The following SSBP3 variants were observed in gnomAD, a reference collection of about 807,000 sequenced individuals.
SSBP3 encodes the protein single stranded DNA binding protein 3.
A neutral mutation model predicts 69.6 loss-of-function variants in SSBP3; 5 were observed. The ratio of observed to expected loss-of-function variants is 0.07; its 90% CI spans 0.04 to 0.15. The LOEUF (loss-of-function observed/expected upper bound fraction) is 0.15. Among genes scored for constraint, SSBP3 ranks in the 10% least tolerant of loss-of-function variants. The pLI, the probability that SSBP3 is intolerant of heterozygous loss-of-function variation, is 1.00. For synonymous variants in SSBP3, 196 were observed against 193.4 expected, an observed-to-expected ratio of 1.01 and a Z score of -0.11; for missense variants, 312 against 534.0, an observed-to-expected ratio of 0.58 and a Z score of 4.10.
chr1:54,295,449 T>G (rs907648649), intron 4 of SSBP3, among the ~76,000 whole-genome samples: 12 of 152,296 alleles, frequency 7.9e-5, no homozygotes, highest in Admixed American at 5.2e-4. Context: ...GTTACCAGTT[T>G]CCACCCGTGT....
intron 4 of SSBP3, among the ~76,000 whole-genome samples, chr1:54,282,099 T>C (rs1466406800): frequency 6.7e-6 from 1 of 149,880 alleles, no homozygotes; most frequent in East Asian, 1.9e-4. Flanking sequence ...ATGTCCACCA[T>C]TCAGGGAGGT....
intron 5 of SSBP3, among the ~76,000 whole-genome samples, chr1:54,262,703 T>C (rs1394684091): frequency 6.6e-6 from 1 of 152,224 alleles, no homozygotes; most frequent in Non-Finnish European, 1.5e-5. Flanking sequence ...GGCCACAGCA[T>C]GTAGGCCTGG....
chr1:54,383,851 A>C (rs543277253), intron 4 of SSBP3, among the ~76,000 whole-genome samples: 1 of 152,314 alleles, frequency 6.6e-6, no homozygotes, highest in Non-Finnish European at 1.5e-5. Flanking sequence ...TCACGCCTGT[A>C]ATCCCAGCAC....
At chr1:54,391,368 C>A (rs1293880020) in intron 4 of SSBP3, among the ~76,000 whole-genome samples, 3 of 152,254 alleles carry the variant, frequency 2.0e-5, no homozygotes, top group Non-Finnish European at 4.4e-5. Flanking sequence ...AAGTCCAAAT[C>A]CCATGTACAG....
rs752535817 is a variant in SSBP3, at chr1:54,250,420, G to A, written c.651+1196C>T. 1.5e-4 allele frequency among the ~76,000 whole-genome samples: 23 copies of A among 150,866 alleles called. 1 individual carries two copies. Among genetic ancestry groups the A allele is most frequent in the Non-Finnish European group, 3.1e-4 (21 of 67,652 alleles). On this transcript the variant is annotated intron_variant, in intron 9 of 17. Transcript: ENST00000610401. Reference sequence around the variant, plus strand: ...GCAGAGGGCTGTGGTTCTGTGGGGCGGATTCTGGGATGGAGCAGAGGGCTG... The same window carrying A: ...GCAGAGGGCTGTGGTTCTGTGGGGCAGATTCTGGGATGGAGCAGAGGGCTG...
chr1:54,351,095 G>C (rs1290327198), intron 4 of SSBP3, among the ~76,000 whole-genome samples: 1 of 152,058 alleles, frequency 6.6e-6, no homozygotes, highest in East Asian at 1.9e-4. Flanking sequence ...CCAAAGTGCT[G>C]GCATAACAAG....
At chr1:54,345,813 C>T (rs1646679660) in intron 4 of SSBP3, among the ~76,000 whole-genome samples, 1 of 151,958 alleles carries the variant, frequency 6.6e-6, no homozygotes, top group African/African-American at 2.4e-5. Flanking sequence ...TGAGACCAGC[C>T]TGGGCAACAC....
At chr1:54,316,967 G>A (rs990835731) in intron 4 of SSBP3, among the ~76,000 whole-genome samples, 1 of 152,014 alleles carries the variant, frequency 6.6e-6, no homozygotes, top group South Asian at 2.1e-4. Context: ...CATTCATGAC[G>A]ATGGAGCCCT....
At chr1:54,327,929 C>T (rs999582398) in intron 4 of SSBP3, among the ~76,000 whole-genome samples, 1 of 152,186 alleles carries the variant, frequency 6.6e-6, no homozygotes, top group Non-Finnish European at 1.5e-5. Context: ...TACATGCAAA[C>T]GACTTCCATA....
At chr1:54,239,870 T>C (rs1442692184) in intron 13 of SSBP3, among the ~76,000 whole-genome samples, 2 of 152,030 alleles carry the variant, frequency 1.3e-5, no homozygotes, top group Non-Finnish European at 2.9e-5. Context: ...TCTCCCCAGT[T>C]AGCCAAAAAA....
Position 54,401,843 on chromosome 1 carries a change from T to G in SSBP3, c.276+18A>C. The G allele has an allele frequency of 6.2e-7, 1 of 1,605,390 alleles. No homozygotes were observed. Among genetic ancestry groups the G allele is most frequent in the Non-Finnish European group, 8.5e-7 (1 of 1,172,482 alleles). On this transcript the variant is annotated intron_variant, in intron 4 of 17. Transcript: ENST00000610401. ...CCAACCCTATAATTATTGCTAGGATTAAAAATATGTTACTCACATAATCAT... is the reference window on the plus strand; with the variant it reads ...CCAACCCTATAATTATTGCTAGGATGAAAAATATGTTACTCACATAATCAT...
At chr1:54,355,263 G>A (rs1385077920) in intron 4 of SSBP3, among the ~76,000 whole-genome samples, 8 of 152,240 alleles carry the variant, frequency 5.3e-5, no homozygotes, top group Non-Finnish European at 1.0e-4. Context: ...CAACTAAGCC[G>A]AATTTCTGGA....
intron 5 of SSBP3, among the ~76,000 whole-genome samples, chr1:54,265,548 G>A (rs1027386263): frequency 5.3e-5 from 8 of 152,202 alleles, no homozygotes; most frequent in Non-Finnish European, 1.0e-4. Flanking sequence ...TGGGGCTCCT[G>A]GCTACCCAGC....
At chr1:54,227,308 G>A in intron 17 of SSBP3, 148 bp from the exon 18 acceptor site, 2 of 680,930 alleles carry the variant, frequency 2.9e-6, no homozygotes, top group Non-Finnish European at 5.4e-6. Flanking sequence ...ATGGTGGCAT[G>A]GAGTGGGCAG....
intron 5 of SSBP3, among the ~76,000 whole-genome samples, chr1:54,260,830 G>C (rs1244506441): frequency 2.0e-5 from 3 of 152,220 alleles, no homozygotes; most frequent in South Asian, 2.1e-4. Context: ...GGGTTGGAAT[G>C]ATGAGGACCA....
At chr1:54,300,360 G>A (rs1343300887) in intron 4 of SSBP3, among the ~76,000 whole-genome samples, 33 of 152,184 alleles carry the variant, frequency 2.2e-4, no homozygotes, top group Admixed American at 2.1e-3. Context: ...GGGCCTGGAA[G>A]CCCAGAGAGT....
intron 4 of SSBP3, among the ~76,000 whole-genome samples, chr1:54,314,533 G>A (rs1646061523): frequency 6.6e-6 from 1 of 152,170 alleles, no homozygotes; most frequent in African/African-American, 2.4e-5. Flanking sequence ...CACTCACAAA[G>A]CCTCAACATT....
chr1:54,233,649 G>A (rs1175268049), intron 14 of SSBP3, among the ~76,000 whole-genome samples: 2 of 146,236 alleles, frequency 1.4e-5, no homozygotes, highest in East Asian at 2.1e-4. Context: ...GCCTCTGCCC[G>A]GCCGCCCCTA....
intron 4 of SSBP3, among the ~76,000 whole-genome samples, chr1:54,314,861 C>T (rs192685915): frequency 2.4e-4 from 37 of 152,208 alleles, no homozygotes; most frequent in African/African-American, 8.2e-4. Flanking sequence ...TGGGTACAGA[C>T]GCTGGACAGG....
Sources: gnomAD v4.1 joint callset for allele counts (sites outside exome capture counted in the v4.1 genomes callset) on GRCh38, gnomAD v4.1.1 for gene constraint, MANE v1.5 for transcripts, NCBI Gene and HGNC (gene_info 2026-07-23, HGNC 2026-07-21) for gene names.